WDR25: variants seen among roughly 807,000 people sequenced by gnomAD.
WDR25 encodes the protein WD repeat domain 25.
WDR25 carries 35 observed loss-of-function variants against 47.7 expected under a neutral mutation model. That is an observed-to-expected ratio of 0.73 (90% CI 0.56 to 0.97). WDR25 has a LOEUF of 0.97. WDR25 is among the 50% of genes least tolerant of loss of function. The pLI, the probability that WDR25 is intolerant of heterozygous loss-of-function variation, is 0.00. For missense variants in WDR25, 634 were observed against 704.7 expected (o/e 0.90, Z 1.14); for synonymous variants, 248 against 278.9 (o/e 0.89, Z 1.10).
intron 4 of WDR25, among the ~76,000 whole-genome samples, chr14:100,518,823 G>A (rs530302561): frequency 1.6e-4 from 24 of 152,038 alleles, no homozygotes; most frequent in African/African-American, 5.8e-4. Context: ...GAACCTGGGA[G>A]GCGGAAGTTG....
At position 100,500,827 on chromosome 14, in the gene WDR25, G is replaced by A. The variant is rs1466736982; in HGVS notation, c.1101+16703G>A. On this transcript the variant is annotated intron_variant, in intron 4 of 6. Transcript: ENST00000402312. This position sits in a 1 kb window ranked among gnomAD's most constrained non-coding sequence, Gnocchi z 4.7. The stretch of plus-strand genomic sequence containing the variant: ...CATTGTTAGAGCCTAGTTTTAATTT[G>A]TGCCTCCGCTATAAAGTAAGGGAAA... Among the ~76,000 whole-genome samples, 1 of 152,202 alleles carries A rather than the reference G, an allele frequency of 6.6e-6. No homozygotes were observed. Among genetic ancestry groups the A allele is most frequent in the African/African-American group, 2.4e-5 (1 of 41,444 alleles).
chr14:100,509,656 A>C (rs1901234968), intron 4 of WDR25, among the ~76,000 whole-genome samples: 1 of 152,218 alleles, frequency 6.6e-6, no homozygotes, highest in Non-Finnish European at 1.5e-5. Flanking sequence ...TACATCCATG[A>C]AATAGTTACC....
intron 2 of WDR25, among the ~76,000 whole-genome samples, chr14:100,445,865 T>A (rs1451839976): frequency 5.9e-5 from 9 of 152,166 alleles, no homozygotes. Context: ...CCACCACAGT[T>A]GGAAGAAGTA....
Position 100,459,945 on chromosome 14 carries a change from T to TAC in WDR25, c.823-8072_823-8071dup, listed in dbSNP as rs1566920427. ...ATATATATATATATATATATACACA[T>TAC]ACACATACACACACATATACACACA... On this transcript the variant is annotated intron_variant, in intron 2 of 6. Transcript: ENST00000402312. 2.7e-3 allele frequency among the ~76,000 whole-genome samples: 226 copies of TAC among 83,832 alleles called. 1 individual carries two copies. The highest frequency in any genetic ancestry group is 5.1e-3 in the Non-Finnish European group (185 of 36,174). The allele number at this position is 83,832 out of a possible 152,430, so 55.0% of individuals were successfully genotyped here.
At chr14:100,482,622 G>C (rs1416437900) in intron 3 of WDR25, among the ~76,000 whole-genome samples, 1 of 151,650 alleles carries the variant, frequency 6.6e-6, no homozygotes, top group Admixed American at 6.5e-5. Flanking sequence ...ACTGTCATGA[G>C]TACTCATGTG....
chr14:100,492,368 T>G (rs536015964), intron 4 of WDR25, among the ~76,000 whole-genome samples: 1 of 152,316 alleles, frequency 6.6e-6, no homozygotes, highest in Non-Finnish European at 1.5e-5. Context: ...TCACTGGGAC[T>G]GTGTAAGAAG....
intron 2 of WDR25, among the ~76,000 whole-genome samples, chr14:100,445,265 A>G (rs1434241677): frequency 6.6e-6 from 1 of 152,230 alleles, no homozygotes; most frequent in Non-Finnish European, 1.5e-5. Flanking sequence ...ACTGTTTGTC[A>G]TTAAAAATCA....
chr14:100,417,745 C>T (rs765560797), intron 2 of WDR25, among the ~76,000 whole-genome samples: 18 of 152,208 alleles, frequency 1.2e-4, no homozygotes, highest in Non-Finnish European at 1.6e-4. Flanking sequence ...GTCTGCAAGA[C>T]AGACACAGGG....
intron 2 of WDR25, among the ~76,000 whole-genome samples, chr14:100,391,236 G>A (rs1566886388): frequency 6.6e-6 from 1 of 151,820 alleles, no homozygotes; most frequent in South Asian, 2.1e-4. Flanking sequence ...CTGATAAATC[G>A]TCACCTATAT....
At chr14:100,418,651 G>T (rs1158826501) in intron 2 of WDR25, among the ~76,000 whole-genome samples, 11 of 150,610 alleles carry the variant, frequency 7.3e-5, no homozygotes, top group Admixed American at 6.6e-4. Flanking sequence ...AAAAAAAAAG[G>T]TGAAAAATTT....
At chr14:100,497,333 T>C (rs530091956) in intron 4 of WDR25, among the ~76,000 whole-genome samples, 32 of 152,340 alleles carry the variant, frequency 2.1e-4, no homozygotes, top group African/African-American at 7.0e-4. Flanking sequence ...TGTTGACATC[T>C]CCAGCTATAG....
intron 2 of WDR25, among the ~76,000 whole-genome samples, chr14:100,450,291 C>T (rs995750793): frequency 2.0e-5 from 3 of 152,182 alleles, no homozygotes; most frequent in African/African-American, 4.8e-5. Flanking sequence ...ATGCCTTGCT[C>T]AGGCCCTCCC....
chr14:100,448,634 C>G (rs191798114), intron 2 of WDR25, among the ~76,000 whole-genome samples: 45 of 152,252 alleles, frequency 3.0e-4, no homozygotes, highest in Admixed American at 2.5e-3. Flanking sequence ...GCGTAAACAC[C>G]TGGCAATGTG....
chr14:100,519,584 C>G (rs1901626654), intron 4 of WDR25, among the ~76,000 whole-genome samples: 1 of 149,548 alleles, frequency 6.7e-6, no homozygotes, highest in Admixed American at 6.7e-5. Context: ...GAGAGACTGA[C>G]CATGGTAAGT....
chr14:100,478,650 C>T (rs1900098442), intron 3 of WDR25, among the ~76,000 whole-genome samples: 1 of 152,164 alleles, frequency 6.6e-6, no homozygotes, highest in South Asian at 2.1e-4. Context: ...TACAGCTTAT[C>T]TTCTAAATGG....
At chr14:100,416,117 A>G (rs1897861288) in intron 2 of WDR25, among the ~76,000 whole-genome samples, 1 of 152,214 alleles carries the variant, frequency 6.6e-6, no homozygotes, top group Non-Finnish European at 1.5e-5. Context: ...TCTGCTGTCC[A>G]ATCAGCCACT....
At position 100,430,373 on chromosome 14, in the gene WDR25, A is replaced by G. The variant is rs1898295008; in HGVS notation, c.823-37648A>G. 1.3e-5 allele frequency among the ~76,000 whole-genome samples: 2 copies of G among 152,132 alleles called. No homozygotes were observed. Among genetic ancestry groups the G allele is most frequent in the African/African-American group, 4.8e-5 (2 of 41,410 alleles). ...TTGCCCTAGGTGATGGGGTGCTGCT[A>G]CTGGGGCCATATACCATGAAGCCGA... On this transcript the variant is annotated intron_variant, in intron 2 of 6. Coordinates refer to ENST00000402312, the MANE Select transcript of WDR25 (RefSeq NM_001161476.3). This position sits in a 1 kb window ranked among gnomAD's most constrained non-coding sequence, Gnocchi z 4.7.
At chr14:100,413,518 A>G (rs1897773650) in intron 2 of WDR25, among the ~76,000 whole-genome samples, 1 of 149,104 alleles carries the variant, frequency 6.7e-6, no homozygotes, top group South Asian at 2.1e-4. Flanking sequence ...GGTTCACGCC[A>G]TTCTCCTGCC....
intron 2 of WDR25, among the ~76,000 whole-genome samples, chr14:100,403,587 T>C (rs1399060513): frequency 6.6e-6 from 1 of 152,222 alleles, no homozygotes; most frequent in African/African-American, 2.4e-5. Flanking sequence ...CCCTGAGTAG[T>C]GCCCAGAGCT....
Sources: allele counts gnomAD v4.1 joint callset (sites outside exome capture counted in the v4.1 genomes callset), GRCh38; gene constraint gnomAD v4.1.1; non-coding constraint Gnocchi (gnomAD v3.1); transcripts MANE v1.5; gene names NCBI Gene and HGNC (gene_info 2026-07-23, HGNC 2026-07-21).